MYO1B: variants seen among roughly 807,000 people sequenced by gnomAD.
MYO1B encodes myosin IB.
MYO1B carries 72 observed loss-of-function variants against 159.7 expected under a neutral mutation model. The ratio of observed to expected loss-of-function variants is 0.45; its 90% confidence interval spans 0.37 to 0.55. MYO1B has a LOEUF of 0.55. Ranked by LOEUF, MYO1B falls within the 20% of genes least tolerant of loss-of-function variation. The probability of loss-of-function intolerance (pLI) is 0.00; values close to 1 mark genes in which losing one functional copy is unlikely to be tolerated. For synonymous variants in MYO1B, 468 were observed against 473.8 expected, an observed-to-expected ratio of 0.99 and a Z score of 0.16; for missense variants, 1,062 against 1,364.8, an observed-to-expected ratio of 0.78 and a Z score of 3.50.
At chr2:191,384,723 C>G (rs1695299401) in intron 15 of MYO1B, among the ~76,000 whole-genome samples, 1 of 151,942 alleles carries the variant, frequency 6.6e-6, no homozygotes, top group African/African-American at 2.4e-5. Flanking sequence ...TAAATATAAC[C>G]TTGCATTTAA....
At position 191,416,150 on chromosome 2, in the gene MYO1B, C is replaced by T; in HGVS notation, c.3195C>T (p.Phe1065=). The part of the protein sequence containing the change: ...SEAASKGDFL[F]SSDHLIEMAT... ...CAGCTAGTAAAGGAGACTTTCTCTT[C>T]AGCAGTGATCACCTGATTGAAATGG... Residue 1065 remains phenylalanine, a synonymous_variant, in exon 30 of 31, where the codon TTC becomes TTT. Transcript: ENST00000392318. The T allele has an allele frequency of 6.2e-7, 1 of 1,614,156 alleles. No individual in the cohort carries two copies. The highest frequency in any genetic ancestry group is 1.1e-5 in the South Asian group (1 of 91,086).
In MYO1B at chr2:191,390,341, C is replaced by T; in HGVS notation, c.1831C>T (p.Leu611=). Residue 611 remains leucine (L), a synonymous_variant, in exon 18 of 31, where the codon CTA becomes TTA. Coordinates refer to ENST00000392318, the MANE Select transcript of MYO1B (RefSeq NM_001130158.3). ...KKAAHIFNEA[L]VCHQIRYLGL... is the part of the protein sequence containing the mutation. ...AGCAGCACACATCTTCAACGAGGCT[C>T]TAGTGTGTCATCAGATCAGGTACCT... The T allele has an allele frequency of 1.9e-6, 3 of 1,614,234 alleles. No individual in the cohort carries two copies. Among genetic ancestry groups the T allele is most frequent in the Non-Finnish European group, 2.5e-6 (3 of 1,180,034 alleles).
intron 27 of MYO1B, among the ~76,000 whole-genome samples, chr2:191,413,513 A>G (rs1295112930): frequency 6.6e-6 from 1 of 152,204 alleles, no homozygotes; most frequent in African/African-American, 2.4e-5. Context: ...TAAGTGTTCT[A>G]TAGTTTTCTT....
At chr2:191,261,851 A>G (rs1423699697) in intron 1 of MYO1B, among the ~76,000 whole-genome samples, 1 of 152,220 alleles carries the variant, frequency 6.6e-6, no homozygotes, top group Non-Finnish European at 1.5e-5. Flanking sequence ...AAAAGGCTCC[A>G]GCACTATAAC....
intron 2 of MYO1B, among the ~76,000 whole-genome samples, chr2:191,280,295 G>C (rs17439672): frequency 0.058 from 8,870 of 152,238 alleles, 434 homozygotes; most frequent in Non-Finnish European, 0.086. Flanking sequence ...TGTGCTTTTT[G>C]CAAGTAGCCG....
At chr2:191,319,520 T>C (rs1277769017) in intron 3 of MYO1B, among the ~76,000 whole-genome samples, 9 of 152,334 alleles carry the variant, frequency 5.9e-5, no homozygotes, top group South Asian at 2.1e-4. Context: ...TTACTTGTTT[T>C]CTATTTGAAA....
chr2:191,406,819 G>A (rs548968561), intron 24 of MYO1B, among the ~76,000 whole-genome samples: 2 of 152,340 alleles, frequency 1.3e-5, no homozygotes, highest in Admixed American at 6.5e-5. Context: ...AAAACTCAAT[G>A]TCTGCAAAGT....
chr2:191,396,190 A>G (rs1422558370), intron 20 of MYO1B, among the ~76,000 whole-genome samples: 2 of 152,216 alleles, frequency 1.3e-5, no homozygotes, highest in African/African-American at 4.8e-5. Context: ...AATAATGATA[A>G]TAATGCTGTG....
chr2:191,383,448 T>TATATATATATATATATATA (rs1553559096), intron 15 of MYO1B, 106 bp downstream of exon 15: 6 of 127,346 alleles, frequency 4.7e-5, no homozygotes, highest in African/African-American at 2.4e-4. Context: ...TCACTGTTTT[T>TATATATATATATATATATA]TATATATATA....
chr2:191,398,409 C>T lies in MYO1B; in HGVS notation c.2295+1912C>T, dbSNP rs376902686. On this transcript the variant is annotated intron_variant, in intron 21 of 30. Transcript: ENST00000392318. Reference sequence around the variant, plus strand: ...TCACCTCCCGGACGGGGCGGCTGGCCGGGCGGGGGGCTGACCCCCCCCCAC... The same window carrying T: ...TCACCTCCCGGACGGGGCGGCTGGCTGGGCGGGGGGCTGACCCCCCCCCAC... Among the ~76,000 whole-genome samples the T allele has an allele frequency of 5.8e-4, 44 of 75,668 alleles. 1 individual carries two copies. The highest frequency in any genetic ancestry group is 1.4e-3 in the African/African-American group (43 of 30,636). 49.6% of individuals were successfully genotyped at this position (75,668 alleles called of 152,430 possible).
chr2:191,255,353 G>T (rs937148543), intron 1 of MYO1B, among the ~76,000 whole-genome samples: 3 of 152,234 alleles, frequency 2.0e-5, no homozygotes, highest in Non-Finnish European at 4.4e-5. Flanking sequence ...TCGATACTGT[G>T]AAGGAAAAGG....
intron 5 of MYO1B, among the ~76,000 whole-genome samples, chr2:191,343,460 C>A (rs1692354976): frequency 6.6e-6 from 1 of 152,120 alleles, no homozygotes; most frequent in Admixed American, 6.5e-5. Context: ...ATCTGTATCC[C>A]CAGTTAGTAG....
chr2:191,411,989 C>T (rs941550666), intron 27 of MYO1B, among the ~76,000 whole-genome samples: 9 of 152,154 alleles, frequency 5.9e-5, no homozygotes, highest in South Asian at 2.1e-4. Flanking sequence ...ACATTTATTA[C>T]GTAAATTATG....
Position 191,330,035 on chromosome 2 carries a change from G to C in MYO1B, c.346+6G>C, listed in dbSNP as rs909482405. ...AAGTGGAGCAGGAAAAACAGGTAAG[G>C]CTCCTACCAAGCAACTCTGCAGAAG... On this transcript the variant is annotated splice_donor_region_variant and intron_variant, in intron 4 of 30. Transcript: ENST00000392318. The C allele has an allele frequency of 6.2e-7, 1 of 1,609,422 alleles. No homozygotes were observed. Among genetic ancestry groups the C allele is most frequent in the East Asian group, 2.2e-5 (1 of 44,704 alleles).
intron 3 of MYO1B, among the ~76,000 whole-genome samples, chr2:191,313,681 G>C (rs1189793059): frequency 6.6e-6 from 1 of 152,180 alleles, no homozygotes; most frequent in Admixed American, 6.5e-5. Flanking sequence ...ACTGCGCCCA[G>C]CAATTTTTTG....
intron 13 of MYO1B, among the ~76,000 whole-genome samples, chr2:191,374,968 C>T (rs1694608592): frequency 2.6e-5 from 4 of 152,266 alleles, no homozygotes; most frequent in African/African-American, 2.4e-5. Context: ...GATTTCAGCT[C>T]GTTTTCTACA....
rs57237733 is a variant in MYO1B, at chr2:191,260,254, C to CTTTTTT, written c.-10+14636_-10+14641dup. On this transcript the variant is annotated intron_variant, in intron 1 of 30. Transcript: ENST00000392318. ...TAATATTACTTTTTTCCCAGATAGGCTTTTTTTTTTTTTGAATTAAAGCTA... is the reference window on the plus strand; with the variant it reads ...TAATATTACTTTTTTCCCAGATAGGCTTTTTTTTTTTTTTTTTTTGAATTAAAGCTA... Among the ~76,000 whole-genome samples the CTTTTTT allele has an allele frequency of 7.9e-4, 48 of 61,004 alleles. 13 individuals are homozygous for CTTTTTT. In the East Asian group the frequency reaches 0.013, roughly 16 times the overall value. 40.0% of individuals were successfully genotyped at this position (61,004 alleles called of 152,430 possible). A position where few individuals can be genotyped will look rare whatever the true frequency, so the allele number is the denominator to read the frequency against.
intron 3 of MYO1B, among the ~76,000 whole-genome samples, chr2:191,329,585 A>G (rs1691323762): frequency 6.7e-6 from 1 of 148,218 alleles, no homozygotes; most frequent in Non-Finnish European, 1.5e-5. Context: ...AAATAAATAA[A>G]TTATTTATAT....
chr2:191,275,854 A>G (rs867829534), intron 1 of MYO1B, among the ~76,000 whole-genome samples: 6 of 152,222 alleles, frequency 3.9e-5, no homozygotes, highest in South Asian at 2.1e-4. Context: ...ATACAGACAC[A>G]TGTGTGCATA....
Sources: allele counts gnomAD v4.1 joint callset (sites outside exome capture counted in the v4.1 genomes callset), GRCh38; gene constraint gnomAD v4.1.1; transcripts MANE v1.5; gene names NCBI Gene and HGNC (gene_info 2026-07-23, HGNC 2026-07-21).